GOLIM4: variants seen among roughly 807,000 people sequenced by gnomAD.
GOLIM4 encodes golgi integral membrane protein 4, also known as 130 kDa golgi-localized phosphoprotein.
GOLIM4 carries 71 observed loss-of-function variants against 107.4 expected under a neutral mutation model. The observed-to-expected ratio is 0.66, with a 90% CI of 0.55 to 0.81. The LOEUF (loss-of-function observed/expected upper bound fraction) is 0.81. GOLIM4 is among the 30% of genes least tolerant of loss of function. The pLI is 0.00. For synonymous variants in GOLIM4, 327 were observed against 294.8 expected, an observed-to-expected ratio of 1.11 and a Z score of -1.12; for missense variants, 830 against 826.1, an observed-to-expected ratio of 1.00 and a Z score of -0.06.
chr3:168,062,884 T>C (rs973534995), intron 1 of GOLIM4, among the ~76,000 whole-genome samples: 1 of 152,204 alleles, frequency 6.6e-6, no homozygotes, highest in African/African-American at 2.4e-5. Flanking sequence ...AGCTACTGTA[T>C]AAAATGTGGA....
At chr3:168,011,387 G>A (rs1420656324) in intron 14 of GOLIM4, among the ~76,000 whole-genome samples, 1 of 152,204 alleles carries the variant, frequency 6.6e-6, no homozygotes, top group Non-Finnish European at 1.5e-5. Flanking sequence ...TGGCTTGGAG[G>A]GTCCTACGCC....
intron 1 of GOLIM4, among the ~76,000 whole-genome samples, chr3:168,066,042 T>C (rs1345452912): frequency 6.6e-6 from 1 of 152,048 alleles, no homozygotes; most frequent in African/African-American, 2.4e-5. Context: ...AACATAATAG[T>C]GATGTTCAGA....
chr3:168,050,822 T>TA (rs1719588950), intron 1 of GOLIM4, among the ~76,000 whole-genome samples: 1 of 136,320 alleles, frequency 7.3e-6, no homozygotes, highest in Non-Finnish European at 1.5e-5. Flanking sequence ...TAGCAACACC[T>TA]ATAATAATAA....
In GOLIM4 at chr3:168,044,823, C is replaced by T. The variant is rs765116497; in HGVS notation, c.366+5G>A. 16 of 1,497,084 alleles carry T rather than the reference C, an allele frequency of 1.1e-5. No homozygotes were observed. The highest frequency in any genetic ancestry group is 1.4e-5 in the African/African-American group (1 of 71,398). 92.7% of individuals were successfully genotyped at this position (1,497,084 alleles called of 1,614,324 possible). A position where few individuals can be genotyped will look rare whatever the true frequency, so the allele number is the denominator to read the frequency against. On this transcript the variant is annotated splice_donor_5th_base_variant and intron_variant, in intron 4 of 15. Coordinates refer to ENST00000470487, the MANE Select transcript of GOLIM4 (RefSeq NM_014498.5). ...ATTCATAAATAACAACTTTAGATTA[C>T]TCACTTTCAACATCTGATGTTGGAC...
At chr3:168,064,618 T>A (rs1370440514) in intron 1 of GOLIM4, among the ~76,000 whole-genome samples, 1 of 150,186 alleles carries the variant, frequency 6.7e-6, no homozygotes, top group East Asian at 1.9e-4. Context: ...TTTTTTTTTT[T>A]AAGAGACAGG....
intron 7 of GOLIM4, among the ~76,000 whole-genome samples, chr3:168,039,604 G>A (rs915000533): frequency 2.0e-5 from 3 of 152,002 alleles, no homozygotes; most frequent in African/African-American, 7.2e-5. Flanking sequence ...GAGTAATACT[G>A]TCAGAGTTCT....
chr3:168,072,202 G>T (rs1321012047), intron 1 of GOLIM4, among the ~76,000 whole-genome samples: 4 of 152,088 alleles, frequency 2.6e-5, no homozygotes, highest in African/African-American at 9.7e-5. Flanking sequence ...TATGAAACTG[G>T]TATTCATTAC....
chr3:168,030,974 C>T (rs1392324670), intron 9 of GOLIM4, among the ~76,000 whole-genome samples: 3 of 152,002 alleles, frequency 2.0e-5, no homozygotes, highest in Admixed American at 1.3e-4. Flanking sequence ...CATCCATCAA[C>T]GGATGAATGG....
At chr3:168,058,738 C>T (rs1043992092) in intron 1 of GOLIM4, among the ~76,000 whole-genome samples, 1 of 152,130 alleles carries the variant, frequency 6.6e-6, no homozygotes, top group African/African-American at 2.4e-5. Context: ...TAATATCCTC[C>T]TCTTCCATAA....
intron 1 of GOLIM4, among the ~76,000 whole-genome samples, chr3:168,070,502 G>A (rs1277981849): frequency 6.6e-6 from 1 of 152,132 alleles, no homozygotes; most frequent in African/African-American, 2.4e-5. Context: ...TCCTGAGATG[G>A]GTGTTCACAC....
At chr3:168,045,926 G>A (rs1376386691) in intron 3 of GOLIM4, among the ~76,000 whole-genome samples, 1 of 152,150 alleles carries the variant, frequency 6.6e-6, no homozygotes, top group Non-Finnish European at 1.5e-5. Context: ...CTGTTGTCCA[G>A]GCTGGAGTAG....
Position 168,033,377 on chromosome 3 carries a change from G to A in GOLIM4, c.844-525C>T, listed in dbSNP as rs529440700. On this transcript the variant is annotated intron_variant, in intron 8 of 15. Transcript: ENST00000470487. ...TCCCAGCACTTTGGGAGGTCGAGGC[G>A]GGTGGATCACGAGGTCAGGAGATCG... Among the ~76,000 whole-genome samples the A allele has an allele frequency of 1.7e-3, 263 of 151,838 alleles. 1 individual carries two copies. Among genetic ancestry groups the A allele is most frequent in the African/African-American group, 5.8e-3 (241 of 41,438 alleles).
intron 9 of GOLIM4, among the ~76,000 whole-genome samples, chr3:168,031,964 C>G (rs190116069): frequency 9.5e-4 from 145 of 152,026 alleles, no homozygotes; most frequent in African/African-American, 3.4e-3. Flanking sequence ...AAAAGTCTTA[C>G]GTGTAAGTGG....
At position 168,010,203 on chromosome 3, in the gene GOLIM4, C is replaced by G; in HGVS notation, c.*66G>C. ...ATTAAATATCCTAGAGTTCAGTAGG[C>G]AGATTTATGTTTGAGCAGCTTGAAA... On this transcript the variant is annotated 3_prime_UTR_variant, in exon 16 of 16. Transcript: ENST00000470487. The G allele has an allele frequency of 7.1e-7, 1 of 1,411,568 alleles. No individual in the cohort carries two copies. Among genetic ancestry groups the G allele is most frequent in the Non-Finnish European group, 9.7e-7 (1 of 1,033,246 alleles). 87.4% of individuals were successfully genotyped at this position (1,411,568 alleles called of 1,614,324 possible). A position where few individuals can be genotyped will look rare whatever the true frequency, so the allele number is the denominator to read the frequency against.
chr3:168,050,795 C>T (rs894756266), intron 1 of GOLIM4, among the ~76,000 whole-genome samples: 2 of 148,570 alleles, frequency 1.3e-5, no homozygotes, highest in East Asian at 3.9e-4. Context: ...CCAGTATAGG[C>T]GGAAACAATT....
At chr3:168,012,905 G>C (rs567841453) in intron 14 of GOLIM4, among the ~76,000 whole-genome samples, 28,028 of 150,382 alleles carry the variant, frequency 0.19, 5,876 homozygotes, top group African/African-American at 0.52. Context: ...AACATGGAAA[G>C]GAACAACCGG....
In GOLIM4 at chr3:168,095,433, T is replaced by C; in HGVS notation, c.-148A>G. On this transcript the variant is annotated 5_prime_UTR_variant, in exon 1 of 16. Coordinates refer to ENST00000470487, the MANE Select transcript of GOLIM4 (RefSeq NM_014498.5). ...CACAAAAGCCGGCCCGGAGGGGAAG[T>C]GGCGCCCGCTCAGCCCCCGCGCGGC... 1.6e-6 allele frequency: 1 copy of C among 613,116 alleles called. No individual in the cohort carries two copies. The highest frequency in any genetic ancestry group is 2.7e-6 in the Non-Finnish European group (1 of 368,218). 38.0% of individuals were successfully genotyped at this position (613,116 alleles called of 1,614,324 possible).
intron 12 of GOLIM4, among the ~76,000 whole-genome samples, chr3:168,026,620 C>T (rs1718008905): frequency 6.6e-6 from 1 of 150,882 alleles, no homozygotes; most frequent in Non-Finnish European, 1.5e-5. Context: ...AATGCCCTTC[C>T]TCCCACCCCA....
intron 7 of GOLIM4, among the ~76,000 whole-genome samples, chr3:168,039,206 C>T (rs1035101315): frequency 2.1e-4 from 32 of 150,884 alleles, no homozygotes; most frequent in Non-Finnish European, 2.1e-4. Context: ...TGAGCATCCT[C>T]GCCAAAAAAG....
Sources: gnomAD v4.1 joint callset for allele counts (sites outside exome capture counted in the v4.1 genomes callset) on GRCh38, gnomAD v4.1.1 for gene constraint, MANE v1.5 for transcripts, NCBI Gene and HGNC (gene_info 2026-07-23, HGNC 2026-07-21) for gene names.